The following KIF7 variants were observed in gnomAD, a reference collection of about 807,000 sequenced individuals.
KIF7 encodes the protein kinesin-like protein KIF7.
KIF7 carries 104 observed loss-of-function variants against 135.7 expected under a neutral mutation model. The ratio of observed to expected loss-of-function variants is 0.77; its 90% CI spans 0.65 to 0.90. The LOEUF (loss-of-function observed/expected upper bound fraction) is 0.90, where lower values mean the gene tolerates loss of function less well. Ranked by LOEUF, KIF7 falls within the 40% of genes least tolerant of loss-of-function variation. The pLI, the probability that KIF7 is intolerant of heterozygous loss-of-function variation, is 0.00. For synonymous variants in KIF7, 883 were observed against 809.4 expected, an observed-to-expected ratio of 1.09 and a Z score of -1.54; for missense variants, 2,005 against 1,839.1, an observed-to-expected ratio of 1.09 and a Z score of -1.65.
At position 89,628,568 on chromosome 15, in the gene KIF7, G is replaced by T. The variant is rs1963587356; in HGVS notation, c.3883C>A (p.Gln1295Lys). 6.2e-7 allele frequency: 1 copy of T among 1,613,388 alleles called. No homozygotes were observed. Among genetic ancestry groups the T allele is most frequent in the Non-Finnish European group, 8.5e-7 (1 of 1,180,022 alleles). ...ACCAGGGGCTCAGCCGCCTCCCGCT[G>T]CCTCAGTTCCTCGGGGGACCCCTGC... is the stretch of plus-strand genomic sequence containing the variant. ...EEQGSPEELR[Q>K]REAAEPLVGR... is the part of the protein sequence containing the mutation. The change falls in exon 19 of 19, where the codon CAG (glutamine) becomes AAG (lysine). Residue 1295 changes from glutamine (Q) to lysine (K), a missense_variant. Coordinates refer to ENST00000394412, the MANE Select transcript of KIF7 (RefSeq NM_198525.3).
chr15:89,642,206 C>G lies in KIF7; in HGVS notation c.2391G>C (p.Val797=). ...ACCCTGAGGCCCCGAGACTAACCTG[C>G]ACCTGGCTCTGGGCCGCAGCGACCC... ...RRRVAAAQSQ[V]QVLKEKKQAT... is the part of the protein sequence containing the mutation. Residue 797 remains valine (V), a synonymous_variant, in exon 11 of 19, where the codon GTG becomes GTC. Transcript: ENST00000394412. 1.9e-6 allele frequency: 3 copies of G among 1,610,280 alleles called. No homozygotes were observed. Among genetic ancestry groups the G allele is most frequent in the Non-Finnish European group, 2.5e-6 (3 of 1,179,518 alleles).
In KIF7 at chr15:89,628,639, G is replaced by C; in HGVS notation, c.3812C>G (p.Ala1271Gly). 1 of 1,613,286 alleles carries C rather than the reference G, an allele frequency of 6.2e-7. No individual in the cohort carries two copies. Among genetic ancestry groups the C allele is most frequent in the Non-Finnish European group, 8.5e-7 (1 of 1,179,990 alleles). ...GCGTTTCCAGGTCAAGGGTAACGGA[G>C]CGTGGACCAAGTCCCGCGTCTCCTC... ...TREETRDLVH[A>G]PLPLTWKRSS... The change falls in exon 19 of 19, where the codon GCT (alanine) becomes GGT (glycine). Residue 1271 changes from alanine to glycine, a missense_variant. Coordinates refer to ENST00000394412, the MANE Select transcript of KIF7 (RefSeq NM_198525.3).
At chr15:89,630,752 G>A (rs1963656520) in intron 15 of KIF7, 2 of 564,654 alleles carry the variant, frequency 3.5e-6, no homozygotes, top group South Asian at 4.0e-5. Flanking sequence ...GAAGTTCAGA[G>A]CACCCTAACC....
intron 1 of KIF7, among the ~76,000 whole-genome samples, chr15:89,620,957 G>C (rs1028953131): frequency 6.6e-6 from 1 of 151,718 alleles, no homozygotes; most frequent in Admixed American, 6.6e-5. Context: ...CTCCGACTTA[G>C]TGATCTGCCC....
At chr15:89,619,728 C>G in intron 1 of KIF7, 1 of 1,611,844 alleles carries the variant, frequency 6.2e-7, no homozygotes, top group East Asian at 2.2e-5. Flanking sequence ...GAGACGAAGT[C>G]CTCGAATCAA....
chr15:89,659,521 C>CAGGG (rs921581705), upstream of KIF7, among the ~76,000 whole-genome samples: 1 of 146,250 alleles, frequency 6.8e-6, no homozygotes, highest in Non-Finnish European at 1.5e-5. Context: ...AGGAGGGAGG[C>CAGGG]AGGGAGGGAG....
rs998229137 is a variant in KIF7, at chr15:89,619,224, T to C, written c.181-1029A>G. 1.4e-4 allele frequency among the ~76,000 whole-genome samples: 20 copies of C among 141,388 alleles called. 1 individual carries two copies. Among genetic ancestry groups the C allele is most frequent in the Middle Eastern group, 3.5e-3 (1 of 284 alleles). 92.8% of individuals were successfully genotyped at this position (141,388 alleles called of 152,430 possible). ...GTTTTCGCCCTACACCATTCTTCTT[T>C]TTTTTTTTTTTTTTTTGGTGAGACA... On this transcript the variant is annotated intron_variant and NMD_transcript_variant, in intron 1 of 2. Transcript: ENST00000558928.
intron 1 of KIF7, chr15:89,619,886 G>A: frequency 6.4e-7 from 1 of 1,552,326 alleles, no homozygotes; most frequent in Non-Finnish European, 8.7e-7. Flanking sequence ...GTGCTGACTT[G>A]GTGAGAAGTG....
At position 89,645,001 on chromosome 15, in the gene KIF7, C is replaced by T; in HGVS notation, c.2191+12G>A. On this transcript the variant is annotated intron_variant, in intron 10 of 18. Transcript: ENST00000394412. ...CCTCGGGTGAGAGGCCCACCTGATG[C>T]CCACGCCTCACCTGTGCGGACCAGC... The T allele has an allele frequency of 6.2e-7, 1 of 1,607,312 alleles. No homozygotes were observed. Among genetic ancestry groups the T allele is most frequent in the Non-Finnish European group, 8.5e-7 (1 of 1,179,960 alleles).
chr15:89,649,500 C>T, intron 3 of KIF7, 133 bp from the exon 4 acceptor site: 3 of 1,126,020 alleles, frequency 2.7e-6, no homozygotes, highest in Middle Eastern at 3.0e-4. Context: ...CCACGGGGTA[C>T]TGCCCTTCCT....
intron 10 of KIF7, among the ~76,000 whole-genome samples, chr15:89,643,026 G>A (rs185091925): frequency 6.6e-6 from 1 of 152,262 alleles, no homozygotes; most frequent in Non-Finnish European, 1.5e-5. Flanking sequence ...GAAATCTGGA[G>A]GACAAAAGAA....
chr15:89,617,938 C>T (rs1415737648), intron 2 of KIF7: 9 of 561,940 alleles, frequency 1.6e-5, no homozygotes, highest in Middle Eastern at 4.9e-4. Context: ...GTGATCCGCC[C>T]GCCTTAGCCT....
chr15:89,645,222 G>A (rs1963990912), intron 9 of KIF7, 57 bp from the exon 10 acceptor site: 2 of 1,605,328 alleles, frequency 1.2e-6, no homozygotes, highest in East Asian at 2.2e-5. Flanking sequence ...GGAGACAGAG[G>A]AGTGGAGAGC....
intron 11 of KIF7, among the ~76,000 whole-genome samples, chr15:89,637,442 AAGAG>A (rs1324774460): frequency 9.9e-5 from 15 of 152,156 alleles, no homozygotes; most frequent in African/African-American, 3.4e-4. Flanking sequence ...GCAAGAAAAA[AAGAG>A]AGAAGAATCA....
At position 89,633,263 on chromosome 15, in the gene KIF7, G is replaced by T; in HGVS notation, c.2596C>A (p.Leu866Met). Residue 866 changes from leucine to methionine, a missense_variant, in exon 13 of 19, where the codon CTG becomes ATG. Physicochemically the swap from Leu to Met is conservative, Grantham distance 15 (BLOSUM62 2). Transcript: ENST00000394412. ...MSKRQHRVKE[L>M]ELKHEQQQKI... ...TGCTGTTGCTCATGCTTCAGCTCCA[G>T]CTCCTGGGTGAGGAGCTCAGTGGGC... 1.3e-6 allele frequency: 2 copies of T among 1,566,304 alleles called. No homozygotes were observed. Among genetic ancestry groups the T allele is most frequent in the Non-Finnish European group, 1.7e-6 (2 of 1,158,980 alleles).
downstream of KIF7, chr15:89,624,365 C>T (rs1203054820): frequency 2.5e-6 from 4 of 1,614,100 alleles, no homozygotes; most frequent in Non-Finnish European, 2.5e-6. Flanking sequence ...GTAGCTGCAT[C>T]TCTCTCCTGC....
chr15:89,659,554 A>G (rs1336161788), upstream of KIF7, among the ~76,000 whole-genome samples: 1 of 152,192 alleles, frequency 6.6e-6, no homozygotes, highest in Non-Finnish European at 1.5e-5. Flanking sequence ...GAAAGAAAAG[A>G]GAAGAGAAAG....
At chr15:89,630,164 T>C (rs996871530) in intron 16 of KIF7, 123 bp downstream of exon 16, 13 of 892,018 alleles carry the variant, frequency 1.5e-5, no homozygotes, top group African/African-American at 4.9e-5. Flanking sequence ...TGCAGATGAG[T>C]TGGTCCTGAT....
chr15:89,652,572 T>C (rs943108645), intron 2 of KIF7, 31 bp downstream of exon 2: 10 of 1,458,678 alleles, frequency 6.9e-6, no homozygotes, highest in Non-Finnish European at 9.2e-6. Context: ...CTCCTTAAAG[T>C]GGGCACAGGG....
Sources: allele counts gnomAD v4.1 joint callset (sites outside exome capture counted in the v4.1 genomes callset), GRCh38; gene constraint gnomAD v4.1.1; transcripts MANE v1.5; gene names NCBI Gene and HGNC (gene_info 2026-07-23, HGNC 2026-07-21).